MGMT: variants seen among roughly 807,000 people sequenced by gnomAD.
MGMT encodes methylated-DNA--protein-cysteine methyltransferase.
A neutral mutation model predicts 15.9 loss-of-function variants in MGMT; 14 were observed. The ratio of observed to expected loss-of-function variants is 0.88; its 90% CI spans 0.58 to 1.37. MGMT has a LOEUF of 1.37. Ranked by LOEUF, MGMT falls within the 40% of genes most tolerant of loss-of-function variation. MGMT has a pLI of 0.00. For synonymous variants in MGMT, 130 were observed against 118.2 expected, an observed-to-expected ratio of 1.10 and a Z score of -0.65; for missense variants, 282 against 268.1, an observed-to-expected ratio of 1.05 and a Z score of -0.36.
intron 2 of MGMT, among the ~76,000 whole-genome samples, chr10:129,655,669 A>C (rs1205008418): frequency 6.6e-6 from 1 of 152,162 alleles, no homozygotes; most frequent in Non-Finnish European, 1.5e-5. Context: ...AGAAAAATAT[A>C]AATGAAAATC....
At chr10:129,604,657 T>G (rs1158404335) in intron 2 of MGMT, among the ~76,000 whole-genome samples, 1 of 151,920 alleles carries the variant, frequency 6.6e-6, no homozygotes, top group Non-Finnish European at 1.5e-5. Context: ...GGCTCTGTCT[T>G]GGGAGTTGGG....
chr10:129,695,589 G>T (rs745802858), intron 2 of MGMT, among the ~76,000 whole-genome samples: 5 of 152,146 alleles, frequency 3.3e-5, no homozygotes, highest in Non-Finnish European at 5.9e-5. Flanking sequence ...AATTTTTTCT[G>T]AATTGCATGA....
chr10:129,735,271 T>C (rs563339030), intron 3 of MGMT, among the ~76,000 whole-genome samples: 1 of 152,336 alleles, frequency 6.6e-6, no homozygotes, highest in East Asian at 1.9e-4. Flanking sequence ...ATTCAACTTC[T>C]TCCTGGTTTA....
At chr10:129,503,163 A>C (rs944975739) in intron 1 of MGMT, among the ~76,000 whole-genome samples, 3 of 150,158 alleles carry the variant, frequency 2.0e-5, no homozygotes, top group Non-Finnish European at 3.0e-5. Context: ...CAGCTATTTT[A>C]GTATTATGAA....
chr10:129,766,785 C>G lies in MGMT; in HGVS notation c.415-3C>G. On this transcript the variant is annotated splice_region_variant and splice_polypyrimidine_tract_variant and intron_variant, in intron 4 of 4. Transcript: ENST00000651593. ...TGACAGTGGCTGCCCCCCTGTCTTC[C>G]AGGTCCCCATCCTCATCCCGTGCCA... 1.2e-6 allele frequency: 2 copies of G among 1,611,238 alleles called. No individual in the cohort carries two copies. The highest frequency in any genetic ancestry group is 2.2e-5 in the South Asian group (2 of 90,746).
At chr10:129,529,499 C>A (rs1490131705) in intron 1 of MGMT, among the ~76,000 whole-genome samples, 1 of 152,162 alleles carries the variant, frequency 6.6e-6, no homozygotes, top group Non-Finnish European at 1.5e-5. Context: ...CGCTGGCTCA[C>A]CCGCTGCTTA....
intron 2 of MGMT, among the ~76,000 whole-genome samples, chr10:129,653,079 C>G (rs1432445453): frequency 6.6e-6 from 1 of 152,142 alleles, no homozygotes; most frequent in Admixed American, 6.5e-5. Context: ...AATGCTTGGT[C>G]GTCCGGTCGG....
At chr10:129,737,425 C>G (rs1848576525) in intron 3 of MGMT, among the ~76,000 whole-genome samples, 3 of 152,128 alleles carry the variant, frequency 2.0e-5, no homozygotes, top group Admixed American at 2.0e-4. Flanking sequence ...AAGCACTTCT[C>G]TGTATTGGTT....
intron 2 of MGMT, among the ~76,000 whole-genome samples, chr10:129,666,661 C>T (rs1406181448): frequency 6.6e-6 from 1 of 152,158 alleles, no homozygotes; most frequent in Non-Finnish European, 1.5e-5. Flanking sequence ...TTCTCTTTAA[C>T]TTTCTCTAAT....
At chr10:129,606,172 G>A (rs1846887668) in intron 2 of MGMT, among the ~76,000 whole-genome samples, 1 of 152,226 alleles carries the variant, frequency 6.6e-6, no homozygotes, top group African/African-American at 2.4e-5. Context: ...CAAGGTGCTA[G>A]GTACTAATGC....
In MGMT at chr10:129,651,147, C is replaced by T. The variant is rs1484918101; in HGVS notation, c.126-56748C>T. 4.6e-5 allele frequency among the ~76,000 whole-genome samples: 7 copies of T among 152,194 alleles called. No homozygotes were observed. The East Asian group carries it at 5.8e-4, about 13-fold the overall frequency. On this transcript the variant is annotated intron_variant, in intron 2 of 4. Transcript: ENST00000651593. ...GATGCCTCTGTTCCCAGCATCTCCT[C>T]GGCATGCTCCCTGCAGCCCTTGGCC...
intron 2 of MGMT, among the ~76,000 whole-genome samples, chr10:129,668,432 G>A (rs1011581310): frequency 1.5e-4 from 23 of 152,106 alleles, no homozygotes; most frequent in Admixed American, 1.0e-3. Context: ...AGTTGCAGTT[G>A]GTTTTGTTTT....
At chr10:129,764,120 T>C (rs1302608851) in intron 4 of MGMT, among the ~76,000 whole-genome samples, 1 of 152,212 alleles carries the variant, frequency 6.6e-6, no homozygotes, top group Non-Finnish European at 1.5e-5. Flanking sequence ...AGAAGTGTGG[T>C]GCGTGGAGCC....
chr10:129,581,947 T>A (rs1846560739), intron 2 of MGMT, among the ~76,000 whole-genome samples: 1 of 152,260 alleles, frequency 6.6e-6, no homozygotes, highest in Non-Finnish European at 1.5e-5. Context: ...TTCTGCTGCC[T>A]GGCCGGCGTC....
At chr10:129,488,472 G>C (rs572727879) in intron 1 of MGMT, among the ~76,000 whole-genome samples, 4 of 152,200 alleles carry the variant, frequency 2.6e-5, no homozygotes, top group African/African-American at 9.6e-5. Flanking sequence ...TCCTTTGTCT[G>C]TTATATGTGC....
chr10:129,762,665 A>G (rs185894450), intron 4 of MGMT, among the ~76,000 whole-genome samples: 1 of 152,274 alleles, frequency 6.6e-6, no homozygotes, highest in African/African-American at 2.4e-5. Flanking sequence ...AAGGCAATCG[A>G]TACATTGCAC....
intron 3 of MGMT, among the ~76,000 whole-genome samples, chr10:129,713,135 G>C (rs754592954): frequency 6.6e-6 from 1 of 152,292 alleles, no homozygotes; most frequent in African/African-American, 2.4e-5. Context: ...AATTGAAAGA[G>C]AAGAGAATAG....
intron 2 of MGMT, among the ~76,000 whole-genome samples, chr10:129,662,204 A>AGT (rs1233281409): frequency 6.6e-6 from 1 of 152,200 alleles, no homozygotes; most frequent in African/African-American, 2.4e-5. Flanking sequence ...GGTTAGGGGA[A>AGT]GTAGAGTAAG....
chr10:129,559,868 C>A (rs1479879369), intron 2 of MGMT, among the ~76,000 whole-genome samples: 2 of 152,100 alleles, frequency 1.3e-5, no homozygotes, highest in Non-Finnish European at 2.9e-5. Flanking sequence ...TTTGAAAGGA[C>A]ACAGAATTTT....
Sources: allele counts gnomAD v4.1 joint callset (sites outside exome capture counted in the v4.1 genomes callset), GRCh38; gene constraint gnomAD v4.1.1; transcripts MANE v1.5; gene names NCBI Gene and HGNC (gene_info 2026-07-23, HGNC 2026-07-21).